Variants in GRAMD4 observed in about 807,000 individuals in gnomAD.
GRAMD4 encodes GRAM domain containing 4.
A neutral mutation model predicts 83.9 loss-of-function variants in GRAMD4; 25 were observed. The observed-to-expected ratio is 0.30, with a 90% CI of 0.22 to 0.42. The LOEUF is 0.42. GRAMD4 is among the 10% of genes least tolerant of loss of function. GRAMD4 has a pLI of 1.00. For synonymous variants in GRAMD4, 336 were observed against 320.9 expected, an observed-to-expected ratio of 1.05 and a Z score of -0.50; for missense variants, 593 against 788.7, an observed-to-expected ratio of 0.75 and a Z score of 2.97.
chr22:46,641,604 T>C (rs1336799756), intron 3 of GRAMD4, among the ~76,000 whole-genome samples: 1 of 152,172 alleles, frequency 6.6e-6, no homozygotes, highest in African/African-American at 2.4e-5. Context: ...GTCTCTGCTC[T>C]GGACTGTGCT....
At position 46,668,842 on chromosome 22, in the gene GRAMD4, G is replaced by A. The variant is rs1313100234; in HGVS notation, c.1018G>A (p.Val340Met). 6.2e-7 allele frequency: 1 copy of A among 1,612,870 alleles called. No individual in the cohort carries two copies. The highest frequency in any genetic ancestry group is 8.5e-7 in the Non-Finnish European group (1 of 1,179,728). ...VQPEITQKLY[V>M]ALWAAFLASC... ...GCCGGAGATCACACAGAAGCTGTAT[G>A]TGGCGCTCTGGGCTGCCTTCCTGGC... Residue 340 changes from valine to methionine, a missense_variant, in exon 13 of 19, where the codon GTG becomes ATG. By Grantham distance (21) the Val-to-Met change is conservative. Around this residue, in one of 4 missense-constraint regions of GRAMD4, gnomAD observed 171 missense variants for 199.6 expected, o/e 0.86. Transcript: ENST00000406902.
At chr22:46,594,471 C>T (rs1040449835) in intron 1 of GRAMD4, among the ~76,000 whole-genome samples, 5 of 148,364 alleles carry the variant, frequency 3.4e-5, no homozygotes, top group Admixed American at 6.7e-5. Context: ...TGTGGGGTGG[C>T]GGGAGCACTG....
At chr22:46,576,733 T>C (rs1171048296), upstream of GRAMD4, among the ~76,000 whole-genome samples, 4 of 151,754 alleles carry the variant, frequency 2.6e-5, no homozygotes, top group African/African-American at 9.7e-5. Flanking sequence ...CCCTGACCCA[T>C]CTCTAGAAAG....
chr22:46,642,326 C>CT (rs2081984985), intron 3 of GRAMD4, among the ~76,000 whole-genome samples: 1 of 152,224 alleles, frequency 6.6e-6, no homozygotes, highest in Non-Finnish European at 1.5e-5. Context: ...TTGATGGCCG[C>CT]TGGTGACCTG....
Position 46,665,615 on chromosome 22 carries a change from G to A in GRAMD4, c.718G>A (p.Val240Met). 6.4e-7 allele frequency: 1 copy of A among 1,551,940 alleles called. No homozygotes were observed. Among genetic ancestry groups the A allele is most frequent in the Non-Finnish European group, 8.9e-7 (1 of 1,124,682 alleles). The change falls in exon 9 of 19, where the codon GTG (valine) becomes ATG (methionine). Residue 240 changes from valine to methionine, a missense_variant and splice_region_variant. By Grantham distance (21) the Val-to-Met change is conservative. Transcript: ENST00000406902. ...SVYTSAIAFTVYMNAVWHGWA... is the reference protein window; with the variant it reads ...SVYTSAIAFTMYMNAVWHGWA... ...CTGACGCCCTGTCTCTCACCCGCAGGTGTACATGAATGCCGTGTGGCATGG... is the reference window on the plus strand; with the variant it reads ...CTGACGCCCTGTCTCTCACCCGCAGATGTACATGAATGCCGTGTGGCATGG...
rs1055146889 is a variant in GRAMD4, at chr22:46,626,775, G to A, written c.-25G>A. 1 of 1,609,888 alleles carries A rather than the reference G, an allele frequency of 6.2e-7. No homozygotes were observed. On this transcript the variant is annotated 5_prime_UTR_variant, in exon 2 of 19. The change abolishes the stop of an existing upstream ORF in the 5' untranslated region. Coordinates refer to ENST00000406902, the MANE Select transcript of GRAMD4 (RefSeq NM_015124.5). ...GGGAACCCGAGCGTCATGTTAGGGTGAAGCAGAGGACCTCAGTGCTGAACA... is the reference window on the plus strand; with the variant it reads ...GGGAACCCGAGCGTCATGTTAGGGTAAAGCAGAGGACCTCAGTGCTGAACA...
At chr22:46,629,076 G>A (rs1025386741) in intron 2 of GRAMD4, among the ~76,000 whole-genome samples, 5 of 152,042 alleles carry the variant, frequency 3.3e-5, no homozygotes, top group African/African-American at 4.8e-5. Context: ...CCCCTTCCTC[G>A]AGGCTGTGAG....
intron 3 of GRAMD4, among the ~76,000 whole-genome samples, chr22:46,642,386 A>G (rs1480163593): frequency 3.3e-5 from 5 of 152,308 alleles, no homozygotes; most frequent in African/African-American, 1.2e-4. Context: ...AGGAGTTCAT[A>G]CAGATAATTC....
chr22:46,661,462 T>TGGACAGGCAGGCGGGC lies in GRAMD4; in HGVS notation c.466+23_466+38dup. 1 of 1,584,796 alleles carries TGGACAGGCAGGCGGGC rather than the reference T, an allele frequency of 6.3e-7. No individual in the cohort carries two copies. Among genetic ancestry groups the TGGACAGGCAGGCGGGC allele is most frequent in the Non-Finnish European group, 8.6e-7 (1 of 1,159,716 alleles). The stretch of plus-strand genomic sequence containing the variant: ...GAGCAGGTACACCCTGGTGGGCGGG[T>TGGACAGGCAGGCGGGC]GGACAGGCAGGCGGGCGGGTGGGTG... On this transcript the variant is annotated intron_variant, in intron 5 of 18. Transcript: ENST00000406902.
At chr22:46,624,716 C>G (rs910331892) in intron 1 of GRAMD4, among the ~76,000 whole-genome samples, 5 of 152,192 alleles carry the variant, frequency 3.3e-5, no homozygotes, top group South Asian at 4.1e-4. Context: ...GAAGCTTTTC[C>G]AAATGGCTGG....
At chr22:46,673,619 G>A (rs2082547368) in intron 14 of GRAMD4, 51 bp from the exon 15 acceptor site, 1 of 1,587,100 alleles carries the variant, frequency 6.3e-7, no homozygotes, top group South Asian at 1.1e-5. Flanking sequence ...ACATCTGGGT[G>A]CTGCAGGCGT....
intron 4 of GRAMD4, among the ~76,000 whole-genome samples, chr22:46,661,059 A>G (rs2082319330): frequency 6.6e-6 from 1 of 152,244 alleles, no homozygotes; most frequent in South Asian, 2.1e-4. Flanking sequence ...TCTTTTCATT[A>G]GCAGACGGGT....
At chr22:46,579,110 C>T (rs372224453) in intron 1 of GRAMD4, among the ~76,000 whole-genome samples, 18 of 152,304 alleles carry the variant, frequency 1.2e-4, no homozygotes, top group African/African-American at 4.3e-4. Flanking sequence ...CTGGAGAGCA[C>T]GGGAAAGTCT....
Position 46,590,319 on chromosome 22 carries a change from G to A in GRAMD4, c.-50+13029G>A, listed in dbSNP as rs187136531. Among the ~76,000 whole-genome samples the A allele has an allele frequency of 2.6e-5, 4 of 152,336 alleles. No homozygotes were observed. The East Asian group carries it at 7.7e-4, about 29-fold the overall frequency. The stretch of plus-strand genomic sequence containing the variant: ...GGCTTTGATTGGGAAGCTGGGGGAA[G>A]GTGGCTAGTGGGTGGGGTTCGGGAG... On this transcript the variant is annotated intron_variant, in intron 1 of 1. Coordinates refer to the GRAMD4 transcript ENST00000431155.
At chr22:46,670,181 G>A (rs1234864988) in intron 13 of GRAMD4, among the ~76,000 whole-genome samples, 1 of 152,254 alleles carries the variant, frequency 6.6e-6, no homozygotes, top group Non-Finnish European at 1.5e-5. Context: ...GTGTCTGTGT[G>A]GAAGAGCAGA....
At chr22:46,641,786 G>A (rs1438950242) in intron 3 of GRAMD4, among the ~76,000 whole-genome samples, 1 of 152,204 alleles carries the variant, frequency 6.6e-6, no homozygotes, top group African/African-American at 2.4e-5. Context: ...ATTAGAGGTT[G>A]CAGAATGGTC....
chr22:46,608,034 G>A (rs544736967), intron 1 of GRAMD4, among the ~76,000 whole-genome samples: 5 of 152,320 alleles, frequency 3.3e-5, no homozygotes, highest in African/African-American at 7.2e-5. Context: ...GTATCCTTGC[G>A]CTGAGGGTCC....
intron 11 of GRAMD4, 56 bp downstream of exon 11, chr22:46,668,223 AG>A (rs990233214): frequency 2.6e-5 from 33 of 1,288,976 alleles, no homozygotes; most frequent in Admixed American, 1.0e-4. Flanking sequence ...GGCACCAGCC[AG>A]GGGTGTGTCT....
At chr22:46,582,831 T>A (rs941267136) in intron 1 of GRAMD4, among the ~76,000 whole-genome samples, 1 of 152,246 alleles carries the variant, frequency 6.6e-6, no homozygotes, top group Non-Finnish European at 1.5e-5. Flanking sequence ...TGTGCAGCCA[T>A]CACCACAATC....
Sources: gnomAD v4.1 joint callset for allele counts (sites outside exome capture counted in the v4.1 genomes callset) on GRCh38, gnomAD v4.1.1 for gene constraint, gnomAD v4.1.1 regional missense constraint, MANE v1.5 for transcripts, NCBI Gene and HGNC (gene_info 2026-07-23, HGNC 2026-07-21) for gene names.